The following SLC23A2 variants were observed in gnomAD, a reference collection of about 807,000 sequenced individuals.
The protein encoded by SLC23A2 is solute carrier family 23 member 2.
Under a neutral mutation model 73.3 loss-of-function variants are expected in SLC23A2, and 36 were observed. The ratio of observed to expected loss-of-function variants is 0.49; its 90% confidence interval spans 0.38 to 0.65. The LOEUF (loss-of-function observed/expected upper bound fraction) is 0.65, where lower values mean the gene tolerates loss of function less well. Ranked by LOEUF, SLC23A2 falls within the 30% of genes least tolerant of loss-of-function variation. The pLI, the probability that SLC23A2 is intolerant of heterozygous loss-of-function variation, is 0.00. For synonymous variants in SLC23A2, 343 were observed against 327.3 expected (o/e 1.05, Z -0.52); for missense variants, 507 against 841.6 (o/e 0.60, Z 4.92).
chr20:4,862,836 G>A lies in SLC23A2; in HGVS notation c.1428C>T (p.Ser476=), dbSNP rs1196447106. ...MLALGMIGKF[S]ALFASLPDPV... The stretch of plus-strand genomic sequence containing the variant: ...GATCCGGAAGGGACGCAAAGAGGGC[G>A]CTGAACTTCCCGATCATGCCCAGAG... Residue 476 remains serine, a synonymous_variant, in exon 14 of 17, where the codon AGC becomes AGT. Transcript: ENST00000338244. This position sits in a 1 kb window ranked among gnomAD's most constrained non-coding sequence, Gnocchi z 5.1. The A allele has an allele frequency of 5.0e-6, 8 of 1,613,844 alleles. No individual in the cohort carries two copies. Among genetic ancestry groups the A allele is most frequent in the Admixed American group, 3.3e-5 (2 of 60,006 alleles).
At chr20:4,972,300 A>G (rs1323414405) in intron 1 of SLC23A2, among the ~76,000 whole-genome samples, 2 of 151,956 alleles carry the variant, frequency 1.3e-5, no homozygotes, top group Non-Finnish European at 2.9e-5. Context: ...AATAGCACAC[A>G]AATGCCATCA....
intron 1 of SLC23A2, among the ~76,000 whole-genome samples, chr20:5,008,655 CT>C (rs2088216451): frequency 6.6e-6 from 1 of 152,208 alleles, no homozygotes; most frequent in Non-Finnish European, 1.5e-5. Flanking sequence ...CACGACCCCA[CT>C]TTCCCATGAG....
intron 11 of SLC23A2, among the ~76,000 whole-genome samples, chr20:4,870,770 C>A (rs2122795654): frequency 6.6e-6 from 1 of 152,244 alleles, no homozygotes; most frequent in East Asian, 1.9e-4. Flanking sequence ...TGGCCTTCCC[C>A]AGGGGAGGAC....
At chr20:4,979,039 A>T (rs2087686823) in intron 1 of SLC23A2, among the ~76,000 whole-genome samples, 1 of 152,170 alleles carries the variant, frequency 6.6e-6, no homozygotes, top group African/African-American at 2.4e-5. Flanking sequence ...TCACGTCTGT[A>T]ATCCCAGTAC....
chr20:4,986,295 G>A (rs4813726), intron 1 of SLC23A2, among the ~76,000 whole-genome samples: 60,319 of 151,682 alleles, frequency 0.4, 12,974 homozygotes, highest in East Asian at 0.6. Flanking sequence ...GACCCCTTTC[G>A]CCACAAAAAG....
rs1430055354 is a variant in SLC23A2, at chr20:4,879,475, G to A, written c.824+4167C>T. 2.0e-5 allele frequency among the ~76,000 whole-genome samples: 3 copies of A among 148,808 alleles called. No individual in the cohort carries two copies. The East Asian group carries it at 5.9e-4, about 29-fold the overall frequency. ...TTGCTAAGTTTGCAACAAGGATGTA[G>A]GTTGAATTTTAAAAATAAAATTCAG... On this transcript the variant is annotated intron_variant, in intron 9 of 16. Coordinates refer to ENST00000338244, the MANE Select transcript of SLC23A2 (RefSeq NM_005116.6).
chr20:4,950,101 A>G (rs1325209483), intron 2 of SLC23A2, among the ~76,000 whole-genome samples: 1 of 152,206 alleles, frequency 6.6e-6, no homozygotes, highest in African/African-American at 2.4e-5. Context: ...GCATGCCTCT[A>G]TTATGGTTTC....
At chr20:4,983,490 C>T (rs1348361683) in intron 1 of SLC23A2, among the ~76,000 whole-genome samples, 1 of 150,076 alleles carries the variant, frequency 6.7e-6, no homozygotes, top group South Asian at 2.1e-4. Flanking sequence ...ACTAAAAATA[C>T]AAAAATTTAG....
At chr20:4,993,236 A>G (rs997056535) in intron 1 of SLC23A2, among the ~76,000 whole-genome samples, 1 of 149,090 alleles carries the variant, frequency 6.7e-6, no homozygotes, top group African/African-American at 2.5e-5. Flanking sequence ...GTGAGCTGAG[A>G]TCGTGCCACT....
intron 2 of SLC23A2, among the ~76,000 whole-genome samples, chr20:4,954,112 G>A (rs2087245591): frequency 6.6e-6 from 1 of 152,088 alleles, no homozygotes; most frequent in Admixed American, 6.6e-5. Flanking sequence ...TTCTTTCACT[G>A]AAATAAAGCC....
intron 7 of SLC23A2, 30 bp from the exon 8 acceptor site, chr20:4,884,853 A>G (rs746614966): frequency 2.3e-6 from 3 of 1,323,064 alleles, no homozygotes; most frequent in African/African-American, 3.0e-5. Flanking sequence ...TTTTTCTTGG[A>G]GTGACACTGA....
At position 4,862,432 on chromosome 20, in the gene SLC23A2, C is replaced by T. The variant is rs1329098861; in HGVS notation, c.1486+346G>A. ...ATCTGGTGCATGTCTCTGGTTATTA[C>T]AGCTAAATGGTGCAGAGATCAAACC... On this transcript the variant is annotated intron_variant, in intron 14 of 16. Coordinates refer to ENST00000338244, the MANE Select transcript of SLC23A2 (RefSeq NM_005116.6). This position sits in a 1 kb window ranked among gnomAD's most constrained non-coding sequence, Gnocchi z 5.1. Among the ~76,000 whole-genome samples, 1 of 152,200 alleles carries T rather than the reference C, an allele frequency of 6.6e-6. No homozygotes were observed. The highest frequency in any genetic ancestry group is 1.5e-5 in the Non-Finnish European group (1 of 68,040).
chr20:4,886,704 A>C (rs1464971041), intron 6 of SLC23A2, among the ~76,000 whole-genome samples: 1 of 152,244 alleles, frequency 6.6e-6, no homozygotes, highest in Non-Finnish European at 1.5e-5. Flanking sequence ...AGTCACATTA[A>C]AGTGACTTTA....
intron 3 of SLC23A2, among the ~76,000 whole-genome samples, chr20:4,931,771 A>G (rs1932793578): frequency 6.6e-6 from 1 of 152,204 alleles, no homozygotes; most frequent in Admixed American, 6.5e-5. Context: ...CTTGTCTCAA[A>G]AAAAAGAAAA....
upstream of SLC23A2, among the ~76,000 whole-genome samples, chr20:5,003,431 G>A (rs2088155915): frequency 6.6e-6 from 1 of 151,360 alleles, no homozygotes. Flanking sequence ...AAAATGCTGT[G>A]ACCAGCACCC....
intron 3 of SLC23A2, among the ~76,000 whole-genome samples, chr20:4,915,864 C>T (rs1338349042): frequency 6.6e-6 from 1 of 152,176 alleles, no homozygotes; most frequent in East Asian, 1.9e-4. Context: ...AGGAGAATCG[C>T]TTGAATCCAG....
chr20:4,918,588 G>A (rs1932402607), intron 3 of SLC23A2, among the ~76,000 whole-genome samples: 1 of 152,144 alleles, frequency 6.6e-6, no homozygotes, highest in Non-Finnish European at 1.5e-5. Context: ...GTAGGAAGCA[G>A]GAGTGACAGA....
At chr20:4,955,678 T>A (rs1192599576) in intron 2 of SLC23A2, among the ~76,000 whole-genome samples, 1 of 152,098 alleles carries the variant, frequency 6.6e-6, no homozygotes, top group Non-Finnish European at 1.5e-5. Context: ...TAGTCCTAGC[T>A]ACTTGAAGGG....
intron 11 of SLC23A2, among the ~76,000 whole-genome samples, chr20:4,870,894 T>C (rs1930423547): frequency 6.6e-6 from 1 of 152,202 alleles, no homozygotes; most frequent in African/African-American, 2.4e-5. Flanking sequence ...TATTTTTATA[T>C]CATAAACCAT....
Sources: allele counts gnomAD v4.1 joint callset (sites outside exome capture counted in the v4.1 genomes callset), GRCh38; gene constraint gnomAD v4.1.1; non-coding constraint Gnocchi (gnomAD v3.1); transcripts MANE v1.5; gene names NCBI Gene and HGNC (gene_info 2026-07-23, HGNC 2026-07-21).